Variants in MEG3 observed in about 807,000 individuals in gnomAD.
The protein encoded by MEG3 is maternally expressed 3, also known as Very putative protein from MEG3 locus.
chr14:100,841,988 A>C (rs1185719875), intron 2 of MEG3, among the ~76,000 whole-genome samples: 1 of 152,178 alleles, frequency 6.6e-6, no homozygotes, highest in Non-Finnish European at 1.5e-5. Context: ...ACTTCTGGAA[A>C]AGTGATCATC....
At position 100,843,833 on chromosome 14, in the gene MEG3, G is replaced by GTT. The variant is rs11307044; in HGVS notation, n.3046-1602_3046-1601dup. Among the ~76,000 whole-genome samples, 645 of 70,694 alleles carry GTT rather than the reference G, an allele frequency of 9.1e-3. 6 individuals carry two copies. The highest frequency in any genetic ancestry group is 0.012 in the Non-Finnish European group (456 of 39,190). 46.4% of individuals were successfully genotyped at this position (70,694 alleles called of 152,430 possible). On this transcript the variant is annotated intron_variant and non_coding_transcript_variant, in intron 2 of 3. Transcript: ENST00000398461. Reference sequence around the variant, plus strand: ...TGGAGTCAGGTGTCTCCCGGGACCTGTTTTTTTTTTTTTTTTTTTTTTTTG... The same window carrying GTT: ...TGGAGTCAGGTGTCTCCCGGGACCTGTTTTTTTTTTTTTTTTTTTTTTTTTTG...
At chr14:100,836,229 C>T (rs770412637) in exon 2 of MEG3, 1 of 456,468 alleles carries the variant, frequency 2.2e-6, no homozygotes, top group African/African-American at 2.0e-5. Flanking sequence ...GCGGAAGAGG[C>T]CCTGATGGGG....
Position 100,845,039 on chromosome 14 carries a change from C to G in MEG3, n.3046-419C>G, listed in dbSNP as rs145491729. Among the ~76,000 whole-genome samples the G allele has an allele frequency of 0.013, 1,956 of 152,262 alleles. 21 individuals are homozygous for G. Among genetic ancestry groups the G allele is most frequent in the Non-Finnish European group, 0.021 (1,440 of 68,002 alleles). ...CTGTGGGCTGCCCTCCCGGCCACACCCCGCTTCCCTGGTCTCCTCCAGGGC... is the reference window on the plus strand; with the variant it reads ...CTGTGGGCTGCCCTCCCGGCCACACGCCGCTTCCCTGGTCTCCTCCAGGGC... On this transcript the variant is annotated intron_variant and non_coding_transcript_variant, in intron 2 of 3. Transcript: ENST00000398461. This position sits in a 1 kb window ranked among gnomAD's most constrained non-coding sequence, Gnocchi z 5.2.
intron 1 of MEG3, chr14:100,826,496 G>C (rs1186950605): frequency 3.9e-5 from 6 of 152,388 alleles, no homozygotes; most frequent in African/African-American, 1.2e-4. Context: ...TCAGAGGAGC[G>C]GGAGGAATCA....
intron 3 of MEG3, chr14:100,848,274 C>T (rs1210598578): frequency 6.6e-6 from 1 of 152,202 alleles, no homozygotes; most frequent in East Asian, 1.9e-4. Context: ...GGTCAATCAC[C>T]TACTCAACTA....
In MEG3 at chr14:100,845,296, G is replaced by A. The variant is rs972123571; in HGVS notation, n.3046-162G>A. Among the ~76,000 whole-genome samples the A allele has an allele frequency of 1.3e-5, 2 of 152,194 alleles. No individual in the cohort carries two copies. Among genetic ancestry groups the A allele is most frequent in the African/African-American group, 4.8e-5 (2 of 41,456 alleles). ...CTGGTGGGTGAGTGGAGTCAGGAGAGAAATGCGTGGCTTCTCCAATTCCAC... is the reference window on the plus strand; with the variant it reads ...CTGGTGGGTGAGTGGAGTCAGGAGAAAAATGCGTGGCTTCTCCAATTCCAC... On this transcript the variant is annotated intron_variant and non_coding_transcript_variant, in intron 2 of 3. Coordinates refer to the MEG3 transcript ENST00000398461. The surrounding 1 kb of genome is among the most constrained non-coding windows in gnomAD (Gnocchi z 5.2).
chr14:100,858,003 G>T (rs2038291777), exon 1 of MEG3: 3 of 152,164 alleles, frequency 2.0e-5, no homozygotes, highest in Admixed American at 2.0e-4. Context: ...AAGCTCGGGG[G>T]TCTTGTACAC....
At chr14:100,830,478 T>C (rs992324981), downstream of MEG3, 1 of 152,146 alleles carries the variant, frequency 6.6e-6, no homozygotes, top group African/African-American at 2.4e-5. Flanking sequence ...AAGTGTGAGC[T>C]ACTCAAGCAC....
At chr14:100,829,168 A>C (rs1017575610) in exon 3 of MEG3, 1 of 152,204 alleles carries the variant, frequency 6.6e-6, no homozygotes, top group Non-Finnish European at 1.5e-5. Flanking sequence ...CTAAAGACTT[A>C]AACCAATGCC....
chr14:100,858,727 G>A (rs1185452348), exon 1 of MEG3: 1 of 153,068 alleles, frequency 6.5e-6, no homozygotes, highest in African/African-American at 2.4e-5. Flanking sequence ...CTCCTCCCCT[G>A]GGCTTTGCTA....
chr14:100,847,220 AC>A (rs2037943859), intron 3 of MEG3: 1 of 152,218 alleles, frequency 6.6e-6, no homozygotes, highest in Admixed American at 6.5e-5. Context: ...ATGAGAGTGT[AC>A]TTTTACCAAA....
chr14:100,847,518 T>C (rs1201312957), intron 3 of MEG3: 1 of 152,186 alleles, frequency 6.6e-6, no homozygotes, highest in Non-Finnish European at 1.5e-5. Flanking sequence ...TAAATAAAGA[T>C]GTAAAAGAAG....
At chr14:100,834,834 G>T (rs2037512111) in exon 1 of MEG3, 4 of 456,460 alleles carry the variant, frequency 8.8e-6, no homozygotes, top group Admixed American at 7.0e-5. Context: ...AGGCTGGAGG[G>T]TGGAATTCAT....
chr14:100,828,172 G>A lies in MEG3; in HGVS notation n.372-536G>A, dbSNP rs546251516. Among the ~76,000 whole-genome samples, 8 of 152,198 alleles carry A rather than the reference G, an allele frequency of 5.3e-5. No individual in the cohort carries two copies. In the East Asian group the frequency reaches 1.6e-3, roughly 30 times the overall value. Reference sequence around the variant, plus strand: ...ACCCCCTGTCCATCCAGGCCCGCCGGGCGCGGGCCGGGGCGCCGCAGGTGG... The same window carrying A: ...ACCCCCTGTCCATCCAGGCCCGCCGAGCGCGGGCCGGGGCGCCGCAGGTGG... On this transcript the variant is annotated intron_variant and non_coding_transcript_variant, in intron 1 of 2. Transcript: ENST00000556407.
Position 100,857,324 on chromosome 14 carries a change from C to T in MEG3, n.80C>T, listed in dbSNP as rs74855909. ...ACCCTTTGCCTCTTTGACCCTCAAT[C>T]TCCTTTTCTCTAAGCCATAGGTCAC... On this transcript the variant is annotated non_coding_transcript_exon_variant, in exon 1 of 2. Coordinates refer to the MEG3 transcript ENST00000398460. 29 of 152,326 alleles carry T rather than the reference C, an allele frequency of 1.9e-4. 1 individual carries two copies. In the East Asian group the frequency reaches 5.4e-3, roughly 28 times the overall value. The allele number at this position is 152,326 out of a possible 1,614,324, so 9.4% of individuals were successfully genotyped here.
rs2037637359 is a variant in MEG3, at chr14:100,837,909, G to C, written n.3045+1609G>C. On this transcript the variant is annotated intron_variant and non_coding_transcript_variant, in intron 2 of 3. Coordinates refer to the MEG3 transcript ENST00000398461. This position sits in a 1 kb window ranked among gnomAD's most constrained non-coding sequence, Gnocchi z 5.8. ...TCTCTGGAGAGCCCCAGAGCCTGGA[G>C]AGACGGGGAGGGGAGTGTGTGCCCA... Among the ~76,000 whole-genome samples the C allele has an allele frequency of 6.6e-6, 1 of 152,122 alleles. No individual in the cohort carries two copies. Among genetic ancestry groups the C allele is most frequent in the Non-Finnish European group, 1.5e-5 (1 of 68,028 alleles).
At chr14:100,838,284 A>G (rs2037648559) in intron 2 of MEG3, among the ~76,000 whole-genome samples, 1 of 152,198 alleles carries the variant, frequency 6.6e-6, no homozygotes, top group Non-Finnish European at 1.5e-5. Flanking sequence ...CCTGGCTCTC[A>G]GGGGTTGAAA....
chr14:100,837,977 G>C lies in MEG3; in HGVS notation n.3045+1677G>C, dbSNP rs1392111843. 1.3e-5 allele frequency among the ~76,000 whole-genome samples: 2 copies of C among 152,036 alleles called. No individual in the cohort carries two copies. The highest frequency in any genetic ancestry group is 1.5e-5 in the Non-Finnish European group (1 of 68,024). ...GGGGCCCAGGAAGGCTCTGCCCCGT[G>C]ACATTTACTCCAAGGCTAGCATTTG... is the stretch of plus-strand genomic sequence containing the variant. On this transcript the variant is annotated intron_variant and non_coding_transcript_variant, in intron 2 of 3. Transcript: ENST00000398461. The surrounding 1 kb of genome is among the most constrained non-coding windows in gnomAD (Gnocchi z 5.8).
At chr14:100,846,680 G>A (rs1263450833) in intron 3 of MEG3, 1 of 152,250 alleles carries the variant, frequency 6.6e-6, no homozygotes, top group Non-Finnish European at 1.5e-5. Context: ...AAGCAAGCCA[G>A]GATGAGAGTG....
Sources: allele counts gnomAD v4.1 joint callset (sites outside exome capture counted in the v4.1 genomes callset), GRCh38; gene constraint gnomAD v4.1.1; non-coding constraint Gnocchi (gnomAD v3.1); transcripts MANE v1.5; gene names NCBI Gene and HGNC (gene_info 2026-07-23, HGNC 2026-07-21).